Variants in ZCCHC17 observed in about 807,000 individuals in gnomAD.
ZCCHC17 encodes the protein zinc finger CCHC-type containing 17, also known as zinc finger CCHC domain-containing protein 17.
In ZCCHC17, 18 loss-of-function variants were observed where a neutral mutation model predicts 30.6. The observed-to-expected ratio is 0.59, with a 90% confidence interval of 0.41 to 0.87. The LOEUF (loss-of-function observed/expected upper bound fraction) is 0.87, where lower values mean the gene tolerates loss of function less well. Among genes scored for constraint, ZCCHC17 ranks in the 40% least tolerant of loss-of-function variants. ZCCHC17 has a pLI of 0.00. For missense variants in ZCCHC17, 263 were observed against 284.2 expected, an observed-to-expected ratio of 0.93 and a Z score of 0.54; for synonymous variants, 88 against 92.4, an observed-to-expected ratio of 0.95 and a Z score of 0.27.
At chr1:31,319,210 C>T (rs377682643) in intron 3 of ZCCHC17, 44 bp downstream of exon 3, 9 of 1,500,522 alleles carry the variant, frequency 6.0e-6, no homozygotes, top group Non-Finnish European at 8.3e-6. Context: ...ATTCTACTCT[C>T]TGCTAACACT....
intron 3 of ZCCHC17, among the ~76,000 whole-genome samples, chr1:31,334,477 T>C (rs986824969): frequency 1.3e-5 from 2 of 151,972 alleles, no homozygotes; most frequent in African/African-American, 4.8e-5. Context: ...GGATGACTGA[T>C]TTTTATTCAT....
In ZCCHC17 at chr1:31,326,467, A is replaced by G. The variant is rs76265095; in HGVS notation, c.124+7301A>G. 9.7e-3 allele frequency among the ~76,000 whole-genome samples: 1,479 copies of G among 152,346 alleles called. 30 individuals carry two copies. Among genetic ancestry groups the G allele is most frequent in the African/African-American group, 0.032 (1,341 of 41,576 alleles). ...TTTATGTTGTCTGGAATTTAATGAC[A>G]TCGAACTCTTCCCCACCCCACAGGA... On this transcript the variant is annotated intron_variant, in intron 3 of 7. Transcript: ENST00000344147.
intron 7 of ZCCHC17, among the ~76,000 whole-genome samples, chr1:31,363,180 T>C (rs562799089): frequency 5.3e-5 from 8 of 151,226 alleles, no homozygotes; most frequent in Non-Finnish European, 1.2e-4. Flanking sequence ...CAATGTCTTA[T>C]ACTTTTTTTT....
At chr1:31,361,493 C>T (rs1019132871) in intron 7 of ZCCHC17, among the ~76,000 whole-genome samples, 2 of 152,176 alleles carry the variant, frequency 1.3e-5, no homozygotes, top group Non-Finnish European at 2.9e-5. Context: ...AGTTAAATCC[C>T]TTGTTCTAAG....
chr1:31,331,630 T>TA (rs2148445005), intron 3 of ZCCHC17, among the ~76,000 whole-genome samples: 2 of 152,062 alleles, frequency 1.3e-5, no homozygotes, highest in East Asian at 3.9e-4. Flanking sequence ...TTTTTTTCTT[T>TA]GAGATGGAGT....
chr1:31,348,923 A>G lies in ZCCHC17; in HGVS notation c.513A>G (p.Ala171=), dbSNP rs751415122. 1.2e-6 allele frequency: 2 copies of G among 1,612,476 alleles called. No individual in the cohort carries two copies. Among genetic ancestry groups the G allele is most frequent in the Non-Finnish European group, 1.7e-6 (2 of 1,179,500 alleles). Residue 171 remains alanine, a synonymous_variant, in exon 7 of 8, where the codon GCA becomes GCG. Coordinates refer to ENST00000344147, the MANE Select transcript of ZCCHC17 (RefSeq NM_016505.4). ...AGGAAAAGGAAGAGGCAAAGTCAGC[A>G]GAGTTTGAGAAGCCTGACCCTACAA... ...EEEEKEEAKS[A]EFEKPDPTRN... is the part of the protein sequence containing the mutation.
intron 3 of ZCCHC17, among the ~76,000 whole-genome samples, chr1:31,330,305 G>GT (rs1431674256): frequency 6.6e-6 from 1 of 152,080 alleles, no homozygotes; most frequent in Non-Finnish European, 1.5e-5. Context: ...GTCAGGTTTC[G>GT]TTTTTTTCCT....
chr1:31,318,892 C>G (rs186028180), intron 2 of ZCCHC17, among the ~76,000 whole-genome samples: 8 of 152,138 alleles, frequency 5.3e-5, no homozygotes, highest in African/African-American at 9.6e-5. Flanking sequence ...TGATAACACT[C>G]TAATCTCCCA....
rs75422339 is a variant in ZCCHC17, at chr1:31,315,790, A to T, written c.67-3319A>T. On this transcript the variant is annotated intron_variant, in intron 2 of 7. Coordinates refer to ENST00000344147, the MANE Select transcript of ZCCHC17 (RefSeq NM_016505.4). ...GTTACTGAATTTTTTCCCCTGAGCTATTTGACTAATTATTCTTGGGACACC... is the reference window on the plus strand; with the variant it reads ...GTTACTGAATTTTTTCCCCTGAGCTTTTTGACTAATTATTCTTGGGACACC... Among the ~76,000 whole-genome samples the T allele has an allele frequency of 7.5e-3, 1,142 of 152,286 alleles. 14 individuals are homozygous for T. Among genetic ancestry groups the T allele is most frequent in the African/African-American group, 0.026 (1,069 of 41,558 alleles).
intron 4 of ZCCHC17, among the ~76,000 whole-genome samples, chr1:31,338,651 T>G (rs908363348): frequency 6.6e-6 from 1 of 152,228 alleles, no homozygotes; most frequent in Non-Finnish European, 1.5e-5. Context: ...CAAATCACTA[T>G]GCTGAACTTA....
chr1:31,309,532 C>T (rs993794758), intron 1 of ZCCHC17, among the ~76,000 whole-genome samples: 9 of 152,082 alleles, frequency 5.9e-5, no homozygotes, highest in African/African-American at 1.9e-4. Flanking sequence ...CCAGGCTGGT[C>T]TGGAACTCCT....
At chr1:31,344,012 G>A (rs1288605565) in intron 5 of ZCCHC17, among the ~76,000 whole-genome samples, 1 of 151,778 alleles carries the variant, frequency 6.6e-6, no homozygotes, top group Non-Finnish European at 1.5e-5. Flanking sequence ...GTACCACTAT[G>A]CTCGGCTAAT....
At chr1:31,313,994 G>A (rs778757842) in intron 2 of ZCCHC17, among the ~76,000 whole-genome samples, 15 of 152,064 alleles carry the variant, frequency 9.9e-5, no homozygotes, top group Non-Finnish European at 1.9e-4. Context: ...CTCCAGAGTA[G>A]CAGGGACTAC....
intron 1 of ZCCHC17, among the ~76,000 whole-genome samples, chr1:31,301,191 A>G (rs1421476334): frequency 2.6e-5 from 4 of 152,340 alleles, no homozygotes; most frequent in African/African-American, 9.6e-5. Flanking sequence ...ATACTTCACT[A>G]TTTTAGTAGA....
chr1:31,352,292 A>G (rs1253812120), intron 7 of ZCCHC17, among the ~76,000 whole-genome samples: 2 of 152,170 alleles, frequency 1.3e-5, no homozygotes, highest in African/African-American at 4.8e-5. Context: ...CTCTATACTC[A>G]TTAAACAATA....
intron 1 of ZCCHC17, among the ~76,000 whole-genome samples, chr1:31,302,333 C>A (rs1054326105): frequency 6.6e-6 from 1 of 152,148 alleles, no homozygotes; most frequent in Non-Finnish European, 1.5e-5. Context: ...TGTGTTCCCC[C>A]CTCTTTCTCT....
At chr1:31,363,402 C>T (rs1186623878) in intron 7 of ZCCHC17, among the ~76,000 whole-genome samples, 1 of 152,182 alleles carries the variant, frequency 6.6e-6, no homozygotes, top group Non-Finnish European at 1.5e-5. Context: ...CCAGGATGGT[C>T]TCGATCTCCT....
At chr1:31,311,606 C>T (rs1298348787) in intron 2 of ZCCHC17, among the ~76,000 whole-genome samples, 2 of 152,210 alleles carry the variant, frequency 1.3e-5, no homozygotes, top group African/African-American at 4.8e-5. Flanking sequence ...TCCAAGATGG[C>T]ACCTTCCTGC....
intron 3 of ZCCHC17, among the ~76,000 whole-genome samples, chr1:31,325,818 A>G (rs578136885): frequency 1.6e-4 from 24 of 152,284 alleles, no homozygotes; most frequent in Admixed American, 1.4e-3. Context: ...GCTGCTGGCC[A>G]CAGCAGCTTC....
Sources: gnomAD v4.1 joint callset for allele counts (sites outside exome capture counted in the v4.1 genomes callset) on GRCh38, gnomAD v4.1.1 for gene constraint, MANE v1.5 for transcripts, NCBI Gene and HGNC (gene_info 2026-07-23, HGNC 2026-07-21) for gene names.